CHST9: variants seen among roughly 807,000 people sequenced by gnomAD.
The protein encoded by CHST9 is carbohydrate sulfotransferase 9, also known as GalNAc-4-sulfotransferase 2.
Under a neutral mutation model 44.4 loss-of-function variants are expected in CHST9, and 41 were observed. That is an observed-to-expected ratio of 0.92 (90% CI 0.72 to 1.20). The LOEUF (loss-of-function observed/expected upper bound fraction) is 1.20, where lower values mean the gene tolerates loss of function less well. CHST9 is among the 50% of genes most tolerant of loss of function. The probability of loss-of-function intolerance (pLI) is 0.00; values close to 1 mark genes in which losing one functional copy is unlikely to be tolerated. For synonymous variants in CHST9, 171 were observed against 178.4 expected, an observed-to-expected ratio of 0.96 and a Z score of 0.33; for missense variants, 504 against 516.5, an observed-to-expected ratio of 0.98 and a Z score of 0.23.
At chr18:27,011,870 G>A (rs1214018567) in intron 4 of CHST9, among the ~76,000 whole-genome samples, 2 of 152,166 alleles carry the variant, frequency 1.3e-5, no homozygotes, top group African/African-American at 4.8e-5. Flanking sequence ...CTGGCCACTG[G>A]TGATTCCTGA....
rs370515885 is a variant in CHST9 at position 26,967,838 on chromosome 18, C to A, written c.203-23472G>T. Among the ~76,000 whole-genome samples, 6 of 152,260 alleles carry A rather than the reference C, an allele frequency of 3.9e-5. No homozygotes were observed. The East Asian group carries it at 9.7e-4, about 25-fold the overall frequency. ...GACACAATCTAATCAGCTGCCAGTG[C>A]GGCCAGAATAAAAGCAGGCAGAAGA... On this transcript the variant is annotated intron_variant, in intron 4 of 5. Coordinates refer to ENST00000618847, the MANE Select transcript of CHST9 (RefSeq NM_031422.6).
Position 27,085,180 on chromosome 18 carries a change from T to G in CHST9, c.122-36677A>C, listed in dbSNP as rs181018053. ...ACCTATCATATCCAAGAAGAAAACC[T>G]AGGAAATACCATTTTGGACATAGGC... On this transcript the variant is annotated intron_variant, in intron 2 of 5. Coordinates refer to ENST00000618847, the MANE Select transcript of CHST9 (RefSeq NM_031422.6). 1.8e-3 allele frequency among the ~76,000 whole-genome samples: 273 copies of G among 152,114 alleles called. 1 individual carries two copies. Among genetic ancestry groups the G allele is most frequent in the Non-Finnish European group, 2.9e-3 (199 of 67,942 alleles).
At chr18:26,994,776 A>G (rs529248746) in intron 4 of CHST9, among the ~76,000 whole-genome samples, 67 of 151,992 alleles carry the variant, frequency 4.4e-4, no homozygotes, top group African/African-American at 1.6e-3. Context: ...TTTAGTAGAG[A>G]TGGGGTTTCA....
At chr18:27,038,927 A>G (rs549351585) in intron 3 of CHST9, among the ~76,000 whole-genome samples, 1 of 152,168 alleles carries the variant, frequency 6.6e-6, no homozygotes, top group South Asian at 2.1e-4. Flanking sequence ...CCCCTATTGC[A>G]TTTTGCTTTT....
chr18:27,015,180 G>A (rs531960823), intron 4 of CHST9, among the ~76,000 whole-genome samples: 13 of 152,262 alleles, frequency 8.5e-5, no homozygotes, highest in South Asian at 4.1e-4. Flanking sequence ...TCTTGTAGCT[G>A]GTGCATTCTG....
intron 5 of CHST9, among the ~76,000 whole-genome samples, chr18:26,933,452 G>C (rs994678337): frequency 2.0e-5 from 3 of 152,108 alleles, no homozygotes; most frequent in Admixed American, 6.6e-5. Flanking sequence ...TATTTTTGCC[G>C]AGTATCACCT....
At chr18:26,923,187 C>A (rs2055694917) in intron 5 of CHST9, among the ~76,000 whole-genome samples, 1 of 152,170 alleles carries the variant, frequency 6.6e-6, no homozygotes, top group African/African-American at 2.4e-5. Flanking sequence ...ATTAATTAAT[C>A]TATTACCATA....
intron 4 of CHST9, among the ~76,000 whole-genome samples, chr18:27,018,130 C>T (rs1196188681): frequency 1.3e-5 from 2 of 152,208 alleles, no homozygotes; most frequent in Non-Finnish European, 2.9e-5. Context: ...AGAGCTCCAT[C>T]TCCATCACCG....
intron 2 of CHST9, among the ~76,000 whole-genome samples, chr18:27,132,280 T>C (rs1181811566): frequency 6.6e-6 from 1 of 152,224 alleles, no homozygotes; most frequent in Non-Finnish European, 1.5e-5. Context: ...TCACAACATG[T>C]CAGCTAAATG....
At chr18:26,963,055 C>T (rs1290130302) in intron 4 of CHST9, among the ~76,000 whole-genome samples, 1 of 152,066 alleles carries the variant, frequency 6.6e-6, no homozygotes, top group Non-Finnish European at 1.5e-5. Flanking sequence ...ATTAATTCAC[C>T]CATTTAGTCA....
At chr18:27,004,343 C>CT (rs34600421) in intron 4 of CHST9, among the ~76,000 whole-genome samples, 17 of 147,730 alleles carry the variant, frequency 1.2e-4, no homozygotes, top group South Asian at 2.1e-4. Context: ...TCTTTTCTGT[C>CT]TTTTTTTTTT....
chr18:27,038,012 G>A (rs899415227), intron 3 of CHST9, among the ~76,000 whole-genome samples: 2 of 151,958 alleles, frequency 1.3e-5, no homozygotes, highest in Non-Finnish European at 2.9e-5. Context: ...GACATTACTG[G>A]TACTTTAATG....
chr18:27,144,262 G>A (rs190070459), intron 1 of CHST9, among the ~76,000 whole-genome samples: 1 of 152,326 alleles, frequency 6.6e-6, no homozygotes, highest in Admixed American at 6.5e-5. Context: ...TTTGAGGAGA[G>A]TCTTTGATGG....
intron 2 of CHST9, among the ~76,000 whole-genome samples, chr18:27,113,250 C>A (rs185760274): frequency 2.4e-3 from 365 of 151,682 alleles, no homozygotes; most frequent in Admixed American, 5.3e-3. Context: ...AACCTATCAT[C>A]TTCCCAGACT....
intron 4 of CHST9, among the ~76,000 whole-genome samples, chr18:26,946,005 C>T (rs2056156642): frequency 6.6e-6 from 1 of 152,120 alleles, no homozygotes; most frequent in Non-Finnish European, 1.5e-5. Flanking sequence ...TGGTGATGTT[C>T]AGAGTGGGCT....
intron 1 of CHST9, among the ~76,000 whole-genome samples, chr18:27,149,831 C>A (rs934211038): frequency 6.6e-6 from 1 of 151,778 alleles, no homozygotes; most frequent in African/African-American, 2.4e-5. Context: ...TTCCTAATGC[C>A]GTATTTTTCA....
At chr18:27,006,916 G>A (rs938877377) in intron 4 of CHST9, among the ~76,000 whole-genome samples, 1 of 152,158 alleles carries the variant, frequency 6.6e-6, no homozygotes, top group Non-Finnish European at 1.5e-5. Context: ...ATGAAAGCAG[G>A]AGAGAGCACA....
chr18:27,145,653 C>T (rs565581047), intron 1 of CHST9, among the ~76,000 whole-genome samples: 12 of 152,262 alleles, frequency 7.9e-5, no homozygotes, highest in African/African-American at 2.9e-4. Context: ...CAGACATTTC[C>T]TTGATTCAGG....
intron 2 of CHST9, among the ~76,000 whole-genome samples, chr18:27,091,980 TC>T (rs1568168936): frequency 6.6e-6 from 1 of 152,190 alleles, no homozygotes; most frequent in Non-Finnish European, 1.5e-5. Context: ...CAGGGAGGAT[TC>T]CCTCTTTTTC....
Sources: allele counts gnomAD v4.1 joint callset (sites outside exome capture counted in the v4.1 genomes callset), GRCh38; gene constraint gnomAD v4.1.1; transcripts MANE v1.5; gene names NCBI Gene and HGNC (gene_info 2026-07-23, HGNC 2026-07-21).